Variants in TNFSF15 observed in about 807,000 individuals in gnomAD.
TNFSF15 encodes tumor necrosis factor ligand superfamily member 15.
Under a neutral mutation model 26.4 loss-of-function variants are expected in TNFSF15, and 15 were observed. That is an observed-to-expected ratio of 0.57 (90% CI 0.38 to 0.87). The LOEUF is 0.87. TNFSF15 is among the 40% of genes least tolerant of loss of function. TNFSF15 has a pLI of 0.00. For synonymous variants in TNFSF15, 116 were observed against 115.0 expected (o/e 1.01, Z -0.06); for missense variants, 290 against 306.1 (o/e 0.95, Z 0.39).
chr9:114,800,536 G>A (rs1217897056), intron 1 of TNFSF15, among the ~76,000 whole-genome samples: 5 of 152,168 alleles, frequency 3.3e-5, no homozygotes, highest in East Asian at 1.9e-4. Context: ...ATTTAAATCC[G>A]TGTCACAGTC....
chr9:114,802,781 C>T (rs1829765926), intron 1 of TNFSF15, among the ~76,000 whole-genome samples: 1 of 152,170 alleles, frequency 6.6e-6, no homozygotes, highest in Non-Finnish European at 1.5e-5. Context: ...CATGGTATTA[C>T]TGATCTCCTT....
At chr9:114,798,859 T>G (rs1241869423) in intron 1 of TNFSF15, among the ~76,000 whole-genome samples, 1 of 152,250 alleles carries the variant, frequency 6.6e-6, no homozygotes, top group African/African-American at 2.4e-5. Flanking sequence ...TCTCATGTAC[T>G]ATAGTCACTC....
rs1304149377 is a variant in TNFSF15, at chr9:114,792,404, T to A, written c.301+3A>T. On this transcript the variant is annotated splice_donor_region_variant and intron_variant, in intron 3 of 3. Coordinates refer to ENST00000374045, the MANE Select transcript of TNFSF15 (RefSeq NM_005118.4). ...TCCCGTAAAACACAGCAGGGAGGCT[T>A]ACCTGTCAGGTGTGCCCTTGGCTTA... 1 of 1,613,964 alleles carries A rather than the reference T, an allele frequency of 6.2e-7. No individual in the cohort carries two copies.
At position 114,789,276 on chromosome 9, in the gene TNFSF15, C is replaced by T. The variant is rs1463370157; in HGVS notation, c.*1176G>A. The T allele has an allele frequency of 6.6e-6, 1 of 152,200 alleles. No individual in the cohort carries two copies. The highest frequency in any genetic ancestry group is 1.5e-5 in the Non-Finnish European group (1 of 68,020). 9.4% of individuals were successfully genotyped at this position (152,200 alleles called of 1,614,324 possible). ...GTAGAGTGCCAGAAATCTGATGTAA[C>T]AGTTTCAGATGATATTTTTTAAAGG... On this transcript the variant is annotated 3_prime_UTR_variant, in exon 4 of 4. Coordinates refer to ENST00000374045, the MANE Select transcript of TNFSF15 (RefSeq NM_005118.4).
In TNFSF15 at chr9:114,798,668, G is replaced by A. The variant is rs1029293490; in HGVS notation, c.211-5100C>T. On this transcript the variant is annotated intron_variant, in intron 1 of 3. Coordinates refer to ENST00000374045, the MANE Select transcript of TNFSF15 (RefSeq NM_005118.4). ...TCCAAGGTCAAAGAGTGCATGGAGG[G>A]CTTGGGATCTGAACCTTTAGACCAA... Among the ~76,000 whole-genome samples, 15 of 152,112 alleles carry A rather than the reference G, an allele frequency of 9.9e-5. No homozygotes were observed. The East Asian group carries it at 1.2e-3, about 12-fold the overall frequency.
In TNFSF15 at chr9:114,790,169, T is replaced by C. The variant is rs1271791815; in HGVS notation, c.*283A>G. ...AATCCTGACCCGAGTAGATCATCCA[T>C]TCATTTAGTGATCAGTGTCTTAATA... is the stretch of plus-strand genomic sequence containing the variant. On this transcript the variant is annotated 3_prime_UTR_variant, in exon 4 of 4. Transcript: ENST00000374045. The C allele has an allele frequency of 1.0e-5, 3 of 291,100 alleles. No homozygotes were observed. Among genetic ancestry groups the C allele is most frequent in the East Asian group, 1.3e-4 (2 of 15,964 alleles). The allele number at this position is 291,100 out of a possible 1,614,324, so 18.0% of individuals were successfully genotyped here. A position where few individuals can be genotyped will look rare whatever the true frequency, so the allele number is the denominator to read the frequency against.
At chr9:114,798,865 C>T (rs527490554) in intron 1 of TNFSF15, among the ~76,000 whole-genome samples, 1 of 152,288 alleles carries the variant, frequency 6.6e-6, no homozygotes, top group African/African-American at 2.4e-5. Flanking sequence ...GTACTATAGT[C>T]ACTCTCTATC....
Position 114,793,583 on chromosome 9 carries a change from A to G in TNFSF15, c.211-15T>C, listed in dbSNP as rs755447993. 1.2e-6 allele frequency: 2 copies of G among 1,613,500 alleles called. No homozygotes were observed. Among genetic ancestry groups the G allele is most frequent in the Admixed American group, 1.7e-5 (1 of 60,006 alleles). Reference sequence around the variant, plus strand: ...CCTTTTAGAGCCTATTGGGAAAGAAAGTATAGTTTAGACCAACTGTGGTCC... The same window carrying G: ...CCTTTTAGAGCCTATTGGGAAAGAAGGTATAGTTTAGACCAACTGTGGTCC... On this transcript the variant is annotated splice_polypyrimidine_tract_variant and intron_variant, in intron 1 of 3. Transcript: ENST00000374045.
chr9:114,799,230 G>A (rs1829709105), intron 1 of TNFSF15, among the ~76,000 whole-genome samples: 1 of 152,208 alleles, frequency 6.6e-6, no homozygotes, highest in Admixed American at 6.5e-5. Context: ...ATTGTGGCAT[G>A]TCACTTGACC....
chr9:114,792,620 C>A, intron 2 of TNFSF15, 166 bp from the exon 3 acceptor site: 2 of 1,448,512 alleles, frequency 1.4e-6, no homozygotes. Flanking sequence ...GTGGCACCCG[C>A]AGCAAGCACC....
chr9:114,798,661 A>G (rs1034627615), intron 1 of TNFSF15, among the ~76,000 whole-genome samples: 2 of 152,138 alleles, frequency 1.3e-5, no homozygotes, highest in African/African-American at 4.8e-5. Flanking sequence ...CAAAGAGTGC[A>G]TGGAGGGCTT....
At position 114,790,454 on chromosome 9, in the gene TNFSF15, A is replaced by G. The variant is rs1245749056; in HGVS notation, c.754T>C (p.Ter252GlnextTer44). ...DKTFFGAFLL* is the reference protein window; with the variant it reads ...DKTFFGAFLLQ ...ATATAATGATATTTGCTCTCCTCCT[A>G]TAGTAAGAAGGCTCCAAAGAAGGTT... Residue 252 changes from the stop codon to glutamine (Q), a stop_lost, in exon 4 of 4, where the codon TAG (stop) becomes CAG (glutamine). Transcript: ENST00000374045. 1.3e-6 allele frequency: 2 copies of G among 1,595,558 alleles called. No individual in the cohort carries two copies. The highest frequency in any genetic ancestry group is 1.7e-6 in the Non-Finnish European group (2 of 1,170,144).
intron 3 of TNFSF15, chr9:114,791,849 C>G (rs930056911): frequency 5.9e-6 from 1 of 168,262 alleles, no homozygotes; most frequent in Middle Eastern, 3.1e-3. Context: ...GTTACATCAT[C>G]TTGAACAGGG....
intron 2 of TNFSF15, 83 bp downstream of exon 2, chr9:114,793,443 C>A (rs552705328): frequency 6.7e-7 from 1 of 1,493,530 alleles, no homozygotes; most frequent in South Asian, 1.1e-5. Flanking sequence ...CTTAAAGACT[C>A]ATCTCTGAAC....
Position 114,785,625 on chromosome 9 carries a change from T to C in TNFSF15, c.*4827A>G, listed in dbSNP as rs1330375934. On this transcript the variant is annotated 3_prime_UTR_variant, in exon 4 of 4. Transcript: ENST00000374045. ...CTCCAGGGACTGAGAAATAGCATCC[T>C]AGAAAAATTCTATTTTGGAGTAGAA... The C allele has an allele frequency of 1.3e-5, 2 of 152,212 alleles. No individual in the cohort carries two copies. The highest frequency in any genetic ancestry group is 4.8e-5 in the African/African-American group (2 of 41,458). The allele number at this position is 152,212 out of a possible 1,614,324, so 9.4% of individuals were successfully genotyped here. A position where few individuals can be genotyped will look rare whatever the true frequency, so the allele number is the denominator to read the frequency against.
intron 3 of TNFSF15, chr9:114,791,581 A>G (rs1829598837): frequency 5.9e-6 from 1 of 168,392 alleles, no homozygotes; most frequent in African/African-American, 2.4e-5. Flanking sequence ...TCAGGAGGGT[A>G]TGCTTCCTTT....
chr9:114,805,878 G>A lies in TNFSF15; in HGVS notation c.135C>T (p.Pro45=), dbSNP rs574220443. The change falls in exon 1 of 4, where the codon CCC becomes CCT. Residue 45 remains proline, a synonymous_variant. Coordinates refer to ENST00000374045, the MANE Select transcript of TNFSF15 (RefSeq NM_005118.4). ...WALTCCLVLL[P]FLAGLTTYLL... Reference sequence around the variant, plus strand: ...GGTATGTGGTGAGTCCTGCAAGGAAGGGGAGCAACACCAGGCAGCAGGTGA... The same window carrying A: ...GGTATGTGGTGAGTCCTGCAAGGAAAGGGAGCAACACCAGGCAGCAGGTGA... The A allele has an allele frequency of 6.2e-7, 1 of 1,614,052 alleles. No individual in the cohort carries two copies. Among genetic ancestry groups the A allele is most frequent in the African/African-American group, 1.3e-5 (1 of 75,050 alleles).
chr9:114,799,030 T>C (rs1829706643), intron 1 of TNFSF15, among the ~76,000 whole-genome samples: 1 of 152,262 alleles, frequency 6.6e-6, no homozygotes, highest in Non-Finnish European at 1.5e-5. Context: ...TGCTTCTGCC[T>C]GTTTATACTT....
chr9:114,805,942 C>T lies in TNFSF15; in HGVS notation c.71G>A (p.Cys24Tyr). 7 of 1,614,118 alleles carry T rather than the reference C, an allele frequency of 4.3e-6. No individual in the cohort carries two copies. The highest frequency in any genetic ancestry group is 5.1e-6 in the Non-Finnish European group (6 of 1,180,048). The change falls in exon 1 of 4, where the codon TGC becomes TAC. Residue 24 changes from cysteine to tyrosine, a missense_variant. By Grantham distance (194) the Cys-to-Tyr change is radical. This residue lies in a region of TNFSF15 where 179 missense variants were observed against 165.9 expected (regional missense o/e 1.08). Transcript: ENST00000374045. ...GCTGCTGCTCCTGGCCTTGGGCCTG[C>T]AGCTGCCGTGCTCTGGCAGCATTTC... ...SVEMLPEHGS[C>Y]RPKARSSSAR...
Sources: gnomAD v4.1 joint callset for allele counts (sites outside exome capture counted in the v4.1 genomes callset) on GRCh38, gnomAD v4.1.1 for gene constraint, gnomAD v4.1.1 regional missense constraint, MANE v1.5 for transcripts, NCBI Gene and HGNC (gene_info 2026-07-23, HGNC 2026-07-21) for gene names.